The following MORF4L1 variants were observed in gnomAD, a reference collection of about 807,000 sequenced individuals.
MORF4L1 encodes the protein mortality factor 4 like 1, also known as mortality factor 4-like protein 1.
Under a neutral mutation model 52.9 loss-of-function variants are expected in MORF4L1, and 4 were observed. The ratio of observed to expected loss-of-function variants is 0.08; its 90% CI spans 0.04 to 0.17. The LOEUF is 0.17. Among genes scored for constraint, MORF4L1 ranks in the 10% least tolerant of loss-of-function variants. The pLI, the probability that MORF4L1 is intolerant of heterozygous loss-of-function variation, is 1.00. For missense variants in MORF4L1, 214 were observed against 390.4 expected (o/e 0.55, Z 3.81); for synonymous variants, 123 against 134.8 (o/e 0.91, Z 0.61).
intron 6 of MORF4L1, 34 bp downstream of exon 6, chr15:78,891,048 G>T: frequency 6.8e-7 from 1 of 1,471,506 alleles, no homozygotes; most frequent in Non-Finnish European, 9.2e-7. Context: ...GTTAATTTAT[G>T]TTACCTCTAT....
chr15:78,887,559 G>A (rs753859132), intron 5 of MORF4L1: 7 of 423,768 alleles, frequency 1.7e-5, no homozygotes, highest in Non-Finnish European at 2.6e-5. Context: ...TAACTTGTGT[G>A]TATAAATATA....
At chr15:78,894,466 T>TGG (rs2056852154) in intron 10 of MORF4L1, 1 of 377,452 alleles carries the variant, frequency 2.6e-6, no homozygotes, top group Non-Finnish European at 4.7e-6. Flanking sequence ...TGGAGTGCAG[T>TGG]GGTGCGATCT....
At chr15:78,874,300 C>T (rs1460331789) in intron 1 of MORF4L1, among the ~76,000 whole-genome samples, 1 of 152,154 alleles carries the variant, frequency 6.6e-6, no homozygotes, top group Non-Finnish European at 1.5e-5. Flanking sequence ...GAGCCGTAAA[C>T]CTCAAACCGT....
chr15:78,893,831 A>G (rs377115927), intron 9 of MORF4L1, among the ~76,000 whole-genome samples: 2 of 152,258 alleles, frequency 1.3e-5, no homozygotes, highest in East Asian at 1.9e-4. Context: ...AATTTAAGCT[A>G]TCATGTAGGT....
intron 11 of MORF4L1, among the ~76,000 whole-genome samples, chr15:78,895,121 C>T (rs2056865367): frequency 1.3e-5 from 2 of 152,126 alleles, no homozygotes; most frequent in Admixed American, 1.3e-4. Context: ...GCAGTGGAGT[C>T]TGGTAGATTG....
Position 78,894,865 on chromosome 15 carries a change from G to T in MORF4L1, c.848G>T (p.Ser283Ile). 1.2e-6 allele frequency: 2 copies of T among 1,613,794 alleles called. No homozygotes were observed. The highest frequency in any genetic ancestry group is 3.3e-5 in the Admixed American group (2 of 60,014). The change falls in exon 11 of 12, where the codon AGC becomes ATC. Residue 283 changes from serine to isoleucine, a missense_variant. Physicochemically the swap from Ser to Ile is moderately radical, Grantham distance 142 (BLOSUM62 -2). Around this residue, in one of 5 missense-constraint regions of MORF4L1, gnomAD observed 68 missense variants for 171.6 expected, o/e 0.40. Transcript: ENST00000426013. ...MLAYTPLDEK[S>I]LALLLNYLHD... Reference sequence around the variant, plus strand: ...GCTTATACACCTCTGGATGAGAAGAGCCTTGCTTTATTACTCAATTATCTT... The same window carrying T: ...GCTTATACACCTCTGGATGAGAAGATCCTTGCTTTATTACTCAATTATCTT...
At chr15:78,885,140 T>A in intron 3 of MORF4L1, 1 of 1,340,378 alleles carries the variant, frequency 7.5e-7, no homozygotes, top group Non-Finnish European at 1.1e-6. Flanking sequence ...TGCTTTTTAT[T>A]ATTTTCCTCT....
chr15:78,893,318 A>G (rs759290409), intron 8 of MORF4L1, among the ~76,000 whole-genome samples: 1 of 152,234 alleles, frequency 6.6e-6, no homozygotes, highest in Non-Finnish European at 1.5e-5. Context: ...TTACATCGCA[A>G]TAAACCCAGC....
At chr15:78,874,848 A>T (rs1169621808) in intron 1 of MORF4L1, among the ~76,000 whole-genome samples, 5 of 127,706 alleles carry the variant, frequency 3.9e-5, no homozygotes, top group South Asian at 2.4e-4. Flanking sequence ...CAGTGCATTA[A>T]TTGAGACGGT....
chr15:78,879,538 G>T (rs1161825518), intron 2 of MORF4L1, among the ~76,000 whole-genome samples: 1 of 152,096 alleles, frequency 6.6e-6, no homozygotes, highest in Non-Finnish European at 1.5e-5. Context: ...TCTTAAAAAA[G>T]AAATCCTAAA....
intron 3 of MORF4L1, among the ~76,000 whole-genome samples, chr15:78,882,246 T>G (rs2056616193): frequency 6.6e-6 from 1 of 151,986 alleles, no homozygotes; most frequent in East Asian, 1.9e-4. Context: ...AGCCCAGGAG[T>G]TTGGGGCTGC....
chr15:78,883,474 T>A (rs1370125426), intron 3 of MORF4L1, among the ~76,000 whole-genome samples: 2 of 152,214 alleles, frequency 1.3e-5, no homozygotes, highest in Non-Finnish European at 2.9e-5. Flanking sequence ...AAATACCAAA[T>A]GCTTGTATTT....
chr15:78,882,605 T>C (rs1954011678), intron 3 of MORF4L1, among the ~76,000 whole-genome samples: 1 of 152,340 alleles, frequency 6.6e-6, no homozygotes, highest in East Asian at 1.9e-4. Context: ...TGTGTTGATA[T>C]TCTGACAATA....
chr15:78,878,201 C>G lies in MORF4L1; in HGVS notation c.41-12C>G. On this transcript the variant is annotated splice_polypyrimidine_tract_variant and intron_variant, in intron 1 of 11. Transcript: ENST00000426013. Reference sequence around the variant, plus strand: ...AAGAAATTACAATTCAGTACTTTTTCTCCCTTTACAGGTGAGCGAGTGCTG... The same window carrying G: ...AAGAAATTACAATTCAGTACTTTTTGTCCCTTTACAGGTGAGCGAGTGCTG... 1 of 1,606,698 alleles carries G rather than the reference C, an allele frequency of 6.2e-7. No homozygotes were observed. Among genetic ancestry groups the G allele is most frequent in the Non-Finnish European group, 8.5e-7 (1 of 1,177,572 alleles).
At chr15:78,892,434 TTTTAA>T (rs2056817031) in intron 8 of MORF4L1, 121 bp downstream of exon 8, 2 of 590,180 alleles carry the variant, frequency 3.4e-6, no homozygotes, top group Non-Finnish European at 3.0e-6. Flanking sequence ...TAAAATAATA[TTTTAA>T]TTTAGAGGCT....
At chr15:78,892,446 G>A in intron 8 of MORF4L1, 133 bp downstream of exon 8, 1 of 558,900 alleles carries the variant, frequency 1.8e-6, no homozygotes, top group South Asian at 2.9e-5. Flanking sequence ...TTAATTTAGA[G>A]GCTGAACACT....
chr15:78,882,311 A>T (rs2056617509), intron 3 of MORF4L1, among the ~76,000 whole-genome samples: 1 of 152,132 alleles, frequency 6.6e-6, no homozygotes, highest in Admixed American at 6.6e-5. Context: ...CAAGATCTGG[A>T]CTCCTTTAAA....
chr15:78,891,703 T>C (rs772618905), intron 7 of MORF4L1, 131 bp downstream of exon 7: 78 of 679,204 alleles, frequency 1.1e-4, no homozygotes, highest in Non-Finnish European at 5.9e-5. Context: ...AAATTTTCTC[T>C]TTTGGGGGTA....
intron 5 of MORF4L1, among the ~76,000 whole-genome samples, chr15:78,888,804 C>T (rs2056750392): frequency 1.3e-5 from 2 of 151,818 alleles, no homozygotes; most frequent in Non-Finnish European, 2.9e-5. Context: ...TTTTTAAACT[C>T]TTTTTGGTGA....
Sources: allele counts gnomAD v4.1 joint callset (sites outside exome capture counted in the v4.1 genomes callset), GRCh38; gene constraint gnomAD v4.1.1; regional missense constraint gnomAD v4.1.1; transcripts MANE v1.5; gene names NCBI Gene and HGNC (gene_info 2026-07-23, HGNC 2026-07-21).